The following GRIA1 variants were observed in gnomAD, a reference collection of about 807,000 sequenced individuals.
GRIA1 encodes the protein glutamate receptor 1.
Under a neutral mutation model 99.2 loss-of-function variants are expected in GRIA1, and 31 were observed. That is an observed-to-expected ratio of 0.31 (90% CI 0.23 to 0.42). The LOEUF (loss-of-function observed/expected upper bound fraction) is 0.42, where lower values mean the gene tolerates loss of function less well. GRIA1 is among the 10% of genes least tolerant of loss of function. The pLI is 1.00. For synonymous variants in GRIA1, 438 were observed against 432.4 expected, an observed-to-expected ratio of 1.01 and a Z score of -0.16; for missense variants, 782 against 1,157.5, an observed-to-expected ratio of 0.68 and a Z score of 4.71.
intron 11 of GRIA1, among the ~76,000 whole-genome samples, chr5:153,715,996 A>C (rs1241125297): frequency 1.3e-5 from 2 of 152,214 alleles, no homozygotes; most frequent in Non-Finnish European, 2.9e-5. Context: ...GAAGAATTGG[A>C]GATAAAGAAA....
chr5:153,791,479 T>TG (rs1400777499), intron 13 of GRIA1, among the ~76,000 whole-genome samples: 1 of 151,486 alleles, frequency 6.6e-6, no homozygotes, highest in African/African-American at 2.4e-5. Context: ...GACTGAGTAG[T>TG]GGGGGGTGGG....
chr5:153,537,553 T>C (rs905466154), intron 2 of GRIA1, among the ~76,000 whole-genome samples: 1 of 152,194 alleles, frequency 6.6e-6, no homozygotes, highest in Non-Finnish European at 1.5e-5. Flanking sequence ...ATGTCTTTAG[T>C]GTGAAAGGTG....
intron 2 of GRIA1, among the ~76,000 whole-genome samples, chr5:153,601,343 T>G (rs1312831100): frequency 2.0e-5 from 3 of 152,234 alleles, no homozygotes; most frequent in Non-Finnish European, 4.4e-5. Context: ...TTTAACTTCT[T>G]ATTTCCAGAA....
chr5:153,544,852 A>G (rs568079315), intron 2 of GRIA1, among the ~76,000 whole-genome samples: 2 of 152,292 alleles, frequency 1.3e-5, no homozygotes, highest in African/African-American at 4.8e-5. Flanking sequence ...ATTACTGAAA[A>G]ATATGGCTTC....
At chr5:153,647,479 T>G (rs1754237376) in intron 3 of GRIA1, among the ~76,000 whole-genome samples, 1 of 152,182 alleles carries the variant, frequency 6.6e-6, no homozygotes, top group Admixed American at 6.5e-5. Context: ...AAACCTAGGT[T>G]CTGTCCTCTC....
intron 7 of GRIA1, among the ~76,000 whole-genome samples, chr5:153,684,468 T>C (rs1757206296): frequency 6.6e-6 from 1 of 152,232 alleles, no homozygotes. Context: ...CATACTAATA[T>C]GCCATGCTGA....
At chr5:153,640,098 T>C (rs1753681556) in intron 2 of GRIA1, among the ~76,000 whole-genome samples, 1 of 152,198 alleles carries the variant, frequency 6.6e-6, no homozygotes, top group Non-Finnish European at 1.5e-5. Flanking sequence ...CCCCCTGCCC[T>C]TGGTTACATA....
chr5:153,696,679 G>A (rs74364853), intron 8 of GRIA1, among the ~76,000 whole-genome samples: 1,741 of 152,350 alleles, frequency 0.011, 25 homozygotes, highest in Middle Eastern at 0.024. Context: ...CCTATGCTGA[G>A]TTCTGGCTGT....
chr5:153,706,820 C>T (rs1476952856), intron 11 of GRIA1, among the ~76,000 whole-genome samples: 4 of 152,118 alleles, frequency 2.6e-5, no homozygotes, highest in Non-Finnish European at 5.9e-5. Flanking sequence ...TCAGGCCAGG[C>T]GTGGTGGCTC....
At chr5:153,694,739 G>A (rs1402851209) in intron 8 of GRIA1, among the ~76,000 whole-genome samples, 1 of 152,152 alleles carries the variant, frequency 6.6e-6, no homozygotes, top group African/African-American at 2.4e-5. Flanking sequence ...TTGACCACTG[G>A]GCTCCCTCTT....
At chr5:153,543,990 C>T (rs1269301199) in intron 2 of GRIA1, among the ~76,000 whole-genome samples, 2 of 151,934 alleles carry the variant, frequency 1.3e-5, no homozygotes, top group African/African-American at 4.8e-5. Flanking sequence ...GGTGGGGTCA[C>T]TCTTTAAATA....
At position 153,775,901 on chromosome 5, in the gene GRIA1, C is replaced by CG. The variant is rs557671654; in HGVS notation, c.2270+5488dup. 3.5e-3 allele frequency among the ~76,000 whole-genome samples: 267 copies of CG among 75,890 alleles called. 1 individual carries two copies. The highest frequency in any genetic ancestry group is 3.8e-3 in the Non-Finnish European group (145 of 38,486). The allele number at this position is 75,890 out of a possible 152,430, so 49.8% of individuals were successfully genotyped here. The stretch of plus-strand genomic sequence containing the variant: ...GAGGAAAAGAGAGCAAATGCAGAAA[C>CG]GGAAAAAAAAAAACATGGGGCTTGT... On this transcript the variant is annotated intron_variant, in intron 13 of 15. Coordinates refer to ENST00000285900, the MANE Select transcript of GRIA1 (RefSeq NM_000827.4).
At chr5:153,596,838 T>A (rs1358488155) in intron 2 of GRIA1, among the ~76,000 whole-genome samples, 1 of 152,238 alleles carries the variant, frequency 6.6e-6, no homozygotes, top group African/African-American at 2.4e-5. Flanking sequence ...CTTTGCTAGT[T>A]GAACAAGTTG....
At chr5:153,642,122 G>A (rs1753814041) in intron 2 of GRIA1, among the ~76,000 whole-genome samples, 1 of 152,200 alleles carries the variant, frequency 6.6e-6, no homozygotes, top group African/African-American at 2.4e-5. Context: ...TTCTAATGTA[G>A]TAATGCCTCT....
intron 6 of GRIA1, among the ~76,000 whole-genome samples, chr5:153,676,454 T>C (rs1046483178): frequency 4.6e-5 from 7 of 152,212 alleles, no homozygotes; most frequent in Admixed American, 1.3e-4. Flanking sequence ...GATATAAACT[T>C]ACCACTTAGG....
At chr5:153,714,917 G>A (rs774894015) in intron 11 of GRIA1, among the ~76,000 whole-genome samples, 1 of 152,258 alleles carries the variant, frequency 6.6e-6, no homozygotes, top group Non-Finnish European at 1.5e-5. Flanking sequence ...CCTAGCTGAT[G>A]ACAGTCACTG....
At chr5:153,521,594 A>G (rs965842821) in intron 2 of GRIA1, among the ~76,000 whole-genome samples, 2 of 152,220 alleles carry the variant, frequency 1.3e-5, no homozygotes, top group Non-Finnish European at 2.9e-5. Context: ...TGAGCTTCCC[A>G]GAGCCTTTTG....
intron 2 of GRIA1, among the ~76,000 whole-genome samples, chr5:153,578,368 G>A (rs766203720): frequency 1.4e-4 from 21 of 152,036 alleles, no homozygotes; most frequent in Non-Finnish European, 1.9e-4. Context: ...AAACAATTTG[G>A]AGAATATTCT....
chr5:153,512,796 G>A (rs959792051), intron 2 of GRIA1, among the ~76,000 whole-genome samples: 8 of 152,178 alleles, frequency 5.3e-5, no homozygotes, highest in African/African-American at 1.7e-4. Flanking sequence ...CTGTGGGCTG[G>A]CACTATGGAT....
Sources: gnomAD v4.1 joint callset for allele counts (sites outside exome capture counted in the v4.1 genomes callset) on GRCh38, gnomAD v4.1.1 for gene constraint, MANE v1.5 for transcripts, NCBI Gene and HGNC (gene_info 2026-07-23, HGNC 2026-07-21) for gene names.